Variants in KCNQ3 observed in about 807,000 individuals in gnomAD.
KCNQ3 encodes potassium voltage-gated channel subfamily KQT member 3.
In KCNQ3, 30 loss-of-function variants were observed where a neutral mutation model predicts 92.5. That is an observed-to-expected ratio of 0.32 (90% confidence interval 0.24 to 0.44). KCNQ3 has a LOEUF of 0.44. Among genes scored for constraint, KCNQ3 ranks in the 20% least tolerant of loss-of-function variants. The pLI is 1.00. For missense variants in KCNQ3, 913 were observed against 1,140.3 expected (o/e 0.80, Z 2.87); for synonymous variants, 450 against 468.8 (o/e 0.96, Z 0.52).
chr8:132,321,994 C>T (rs1817908159), intron 1 of KCNQ3, among the ~76,000 whole-genome samples: 1 of 152,040 alleles, frequency 6.6e-6, no homozygotes, highest in Non-Finnish European at 1.5e-5. Flanking sequence ...TTTTAAAGCA[C>T]ATTTTCTTGA....
intron 1 of KCNQ3, among the ~76,000 whole-genome samples, chr8:132,246,307 C>T (rs1343915049): frequency 1.3e-5 from 2 of 152,132 alleles, no homozygotes; most frequent in Non-Finnish European, 2.9e-5. Flanking sequence ...AAACCATTTC[C>T]CTACATGAGA....
intron 1 of KCNQ3, among the ~76,000 whole-genome samples, chr8:132,330,917 C>G (rs965357252): frequency 6.6e-6 from 1 of 152,192 alleles, no homozygotes; most frequent in African/African-American, 2.4e-5. Flanking sequence ...ACATAACTTT[C>G]CTGCCCTACA....
chr8:132,215,248 T>A (rs1156566182), intron 1 of KCNQ3, among the ~76,000 whole-genome samples: 1 of 152,226 alleles, frequency 6.6e-6, no homozygotes, highest in Non-Finnish European at 1.5e-5. Flanking sequence ...TAACAATATT[T>A]ATCTCATACA....
chr8:132,188,585 C>T (rs185745744), intron 1 of KCNQ3, among the ~76,000 whole-genome samples: 240 of 152,282 alleles, frequency 1.6e-3, no homozygotes, highest in Non-Finnish European at 2.3e-3. Context: ...ATGTCAGGTG[C>T]GTGGAAAAGC....
chr8:132,226,772 C>G (rs150180014), intron 1 of KCNQ3, among the ~76,000 whole-genome samples: 213 of 152,222 alleles, frequency 1.4e-3, no homozygotes, highest in African/African-American at 5.0e-3. Flanking sequence ...CCTGCCAAAA[C>G]GAAATCAATG....
chr8:132,232,755 A>C (rs1176085480), intron 1 of KCNQ3, among the ~76,000 whole-genome samples: 1 of 152,198 alleles, frequency 6.6e-6, no homozygotes, highest in African/African-American at 2.4e-5. Flanking sequence ...GGTTTCATTA[A>C]AAAACAGCCC....
At chr8:132,407,757 T>C (rs1820530571) in intron 1 of KCNQ3, among the ~76,000 whole-genome samples, 1 of 152,170 alleles carries the variant, frequency 6.6e-6, no homozygotes, top group South Asian at 2.1e-4. Context: ...AAAAAATACA[T>C]CTTCCTGGTG....
At chr8:132,422,229 C>T (rs1820986659) in intron 1 of KCNQ3, among the ~76,000 whole-genome samples, 1 of 152,158 alleles carries the variant, frequency 6.6e-6, no homozygotes, top group African/African-American at 2.4e-5. Flanking sequence ...CACGAGCCAT[C>T]CCTGACTCTT....
intron 1 of KCNQ3, among the ~76,000 whole-genome samples, chr8:132,437,165 G>A (rs1447479260): frequency 6.6e-6 from 1 of 151,834 alleles, no homozygotes; most frequent in African/African-American, 2.4e-5. Context: ...TGTAGTCCCA[G>A]CTACTCGGGA....
At chr8:132,364,386 A>G (rs192425040) in intron 1 of KCNQ3, among the ~76,000 whole-genome samples, 1 of 152,340 alleles carries the variant, frequency 6.6e-6, no homozygotes, top group Non-Finnish European at 1.5e-5. Context: ...ATGATCCCAC[A>G]TTATGTGGAA....
At position 132,126,073 on chromosome 8, in the gene KCNQ3, T is replaced by C. The variant is rs1824654435; in HGVS notation, c.*3189A>G. Reference sequence around the variant, plus strand: ...AAAATATGACCTTTAAAATTTTTCATGTCACATTGTGACCCAGAAAGACCA... The same window carrying C: ...AAAATATGACCTTTAAAATTTTTCACGTCACATTGTGACCCAGAAAGACCA... On this transcript the variant is annotated 3_prime_UTR_variant, in exon 15 of 15. Transcript: ENST00000388996. 1 of 152,244 alleles carries C rather than the reference T, an allele frequency of 6.6e-6. No individual in the cohort carries two copies. 9.4% of individuals were successfully genotyped at this position (152,244 alleles called of 1,614,324 possible).
At chr8:132,192,472 T>C (rs879452660) in intron 1 of KCNQ3, among the ~76,000 whole-genome samples, 12 of 152,202 alleles carry the variant, frequency 7.9e-5, no homozygotes, top group Admixed American at 1.3e-4. Flanking sequence ...GAGATTCTCC[T>C]GGGGGTCTTG....
chr8:132,231,823 T>C (rs1468657094), intron 1 of KCNQ3, among the ~76,000 whole-genome samples: 1 of 152,226 alleles, frequency 6.6e-6, no homozygotes, highest in African/African-American at 2.4e-5. Flanking sequence ...ACAATGATCA[T>C]TAGGTCTTTC....
chr8:132,144,678 G>C (rs551208178), intron 9 of KCNQ3, among the ~76,000 whole-genome samples: 1 of 152,266 alleles, frequency 6.6e-6, no homozygotes, highest in African/African-American at 2.4e-5. Context: ...TATCAGCATG[G>C]GGAACTTCAG....
At chr8:132,228,538 C>A (rs369828793) in intron 1 of KCNQ3, among the ~76,000 whole-genome samples, 1 of 151,996 alleles carries the variant, frequency 6.6e-6, no homozygotes, top group African/African-American at 2.4e-5. Context: ...AATTACTACA[C>A]GGAAATACTT....
intron 1 of KCNQ3, among the ~76,000 whole-genome samples, chr8:132,380,338 C>T (rs1014950545): frequency 3.9e-5 from 6 of 152,262 alleles, no homozygotes; most frequent in Admixed American, 2.0e-4. Flanking sequence ...ACTAATTACA[C>T]GTGAGAAAGA....
intron 1 of KCNQ3, among the ~76,000 whole-genome samples, chr8:132,420,491 T>A (rs1276146144): frequency 6.6e-6 from 1 of 152,082 alleles, no homozygotes; most frequent in Non-Finnish European, 1.5e-5. Context: ...GCCAGAAACA[T>A]CCAGCACCAG....
At chr8:132,353,117 T>C (rs1345480522) in intron 1 of KCNQ3, among the ~76,000 whole-genome samples, 1 of 152,072 alleles carries the variant, frequency 6.6e-6, no homozygotes, top group Non-Finnish European at 1.5e-5. Context: ...TCCTAGCTAC[T>C]CAGGAGGCTG....
chr8:132,248,127 T>C (rs1001077651), intron 1 of KCNQ3, among the ~76,000 whole-genome samples: 2 of 152,138 alleles, frequency 1.3e-5, no homozygotes, highest in Non-Finnish European at 2.9e-5. Context: ...CTCCATGAAA[T>C]GTACATATCA....
Sources: gnomAD v4.1 joint callset for allele counts (sites outside exome capture counted in the v4.1 genomes callset) on GRCh38, gnomAD v4.1.1 for gene constraint, MANE v1.5 for transcripts, NCBI Gene and HGNC (gene_info 2026-07-23, HGNC 2026-07-21) for gene names.